C1QTNF7: variants seen among roughly 807,000 people sequenced by gnomAD.
C1QTNF7 encodes the protein complement C1q tumor necrosis factor-related protein 7.
A neutral mutation model predicts 19.6 loss-of-function variants in C1QTNF7; 15 were observed. The ratio of observed to expected loss-of-function variants is 0.76; its 90% confidence interval spans 0.51 to 1.18. The LOEUF is 1.18. Ranked by LOEUF, C1QTNF7 falls within the 50% of genes most tolerant of loss-of-function variation. The probability of loss-of-function intolerance (pLI) is 0.00; values close to 1 mark genes in which losing one functional copy is unlikely to be tolerated. For missense variants in C1QTNF7, 324 were observed against 359.7 expected (o/e 0.90, Z 0.80); for synonymous variants, 142 against 137.5 (o/e 1.03, Z -0.23).
chr4:15,434,616 T>A (rs1281284732), intron 1 of C1QTNF7, among the ~76,000 whole-genome samples: 1 of 152,148 alleles, frequency 6.6e-6, no homozygotes, highest in Non-Finnish European at 1.5e-5. Context: ...AAACTGCTAA[T>A]ACTAAGGACC....
rs753537535 is a variant in C1QTNF7 at position 15,442,189 on chromosome 4, C to T, written c.260C>T (p.Pro87Leu). Residue 87 changes from proline to leucine, a missense_variant, in exon 3 of 3, where the codon CCG (proline) becomes CTG (leucine). Physicochemically the swap from Pro to Leu is moderately conservative, Grantham distance 98. Coordinates refer to ENST00000444304, the MANE Select transcript of C1QTNF7 (RefSeq NM_031911.5). ...GTAGLRGKTGPLGLAGEKGDQ... is the reference protein window; with the variant it reads ...GTAGLRGKTGLLGLAGEKGDQ... ...GAAGGTTTGAGAGGTAAGACTGGAC[C>T]GCTAGGTCTTGCCGGTGAGAAAGGG... is the stretch of plus-strand genomic sequence containing the variant. 20 of 1,610,394 alleles carry T rather than the reference C, an allele frequency of 1.2e-5. No homozygotes were observed. The highest frequency in any genetic ancestry group is 8.1e-5 in the African/African-American group (6 of 74,500).
chr4:15,375,968 G>A (rs1577243804), intron 1 of C1QTNF7, among the ~76,000 whole-genome samples: 1 of 152,180 alleles, frequency 6.6e-6, no homozygotes, highest in African/African-American at 2.4e-5. Flanking sequence ...GCTTCCAAGA[G>A]TCGAAAGGCT....
In C1QTNF7 at chr4:15,395,302, C is replaced by A. The variant is rs116758441; in HGVS notation, c.14-40434C>A. The stretch of plus-strand genomic sequence containing the variant: ...AATATTGGCTCCATGTGTAAGAATT[C>A]CATAAAAGAGATGGTGGGGGGCGTG... On this transcript the variant is annotated intron_variant, in intron 1 of 2. Coordinates refer to the C1QTNF7 transcript ENST00000295297. Among the ~76,000 whole-genome samples the A allele has an allele frequency of 4.5e-3, 684 of 152,144 alleles. 7 individuals are homozygous for A. Among genetic ancestry groups the A allele is most frequent in the African/African-American group, 0.015 (637 of 41,498 alleles).
At chr4:15,409,402 T>C (rs1386416786) in intron 1 of C1QTNF7, among the ~76,000 whole-genome samples, 2 of 152,230 alleles carry the variant, frequency 1.3e-5, no homozygotes, top group African/African-American at 4.8e-5. Context: ...TGGGCCTCTG[T>C]ATCTATCTGT....
chr4:15,404,001 A>G (rs979892358), intron 1 of C1QTNF7, among the ~76,000 whole-genome samples: 4 of 152,318 alleles, frequency 2.6e-5, no homozygotes, highest in African/African-American at 7.2e-5. Flanking sequence ...ATATACAAAT[A>G]TATCATGTAC....
intron 1 of C1QTNF7, among the ~76,000 whole-genome samples, chr4:15,368,632 A>G (rs1386599951): frequency 6.6e-6 from 1 of 152,160 alleles, no homozygotes; most frequent in Non-Finnish European, 1.5e-5. Context: ...ATCCCTTTTT[A>G]TGGCTGCATA....
intron 1 of C1QTNF7, among the ~76,000 whole-genome samples, chr4:15,411,946 G>C (rs76892788): frequency 0.034 from 5,108 of 152,208 alleles, 127 homozygotes; most frequent in South Asian, 0.058. Context: ...GAGGTGAGTG[G>C]CAGGCGAGTC....
At chr4:15,412,688 A>G (rs1719447758) in intron 1 of C1QTNF7, among the ~76,000 whole-genome samples, 1 of 152,212 alleles carries the variant, frequency 6.6e-6, no homozygotes, top group South Asian at 2.1e-4. Flanking sequence ...GATGAGAACT[A>G]GACATCTCTG....
intron 1 of C1QTNF7, among the ~76,000 whole-genome samples, chr4:15,404,929 A>G (rs1318472222): frequency 6.6e-6 from 1 of 152,222 alleles, no homozygotes; most frequent in Non-Finnish European, 1.5e-5. Context: ...AATTGCTTCA[A>G]TTTTAATGTA....
At chr4:15,350,201 A>G (rs1577227974) in intron 1 of C1QTNF7, among the ~76,000 whole-genome samples, 1 of 45,634 alleles carries the variant, frequency 2.2e-5, no homozygotes, top group Admixed American at 3.5e-4. Context: ...AAGGAAGGGA[A>G]GAAGGAAGGA....
intron 1 of C1QTNF7, among the ~76,000 whole-genome samples, chr4:15,389,920 ACTT>A (rs1356328670): frequency 6.6e-6 from 1 of 152,104 alleles, no homozygotes; most frequent in African/African-American, 2.4e-5. Context: ...CGTGTTAAAG[ACTT>A]CTTCATTAAT....
chr4:15,340,232 T>G (rs1431783953), intron 1 of C1QTNF7: 5 of 1,551,060 alleles, frequency 3.2e-6, no homozygotes, highest in Non-Finnish European at 4.4e-6. Context: ...TCACTGCAGT[T>G]TTTCTCTTTT....
chr4:15,421,472 A>G (rs1711756049), intron 1 of C1QTNF7, among the ~76,000 whole-genome samples: 1 of 152,214 alleles, frequency 6.6e-6, no homozygotes, highest in South Asian at 2.1e-4. Context: ...AGCGGCAGCT[A>G]TGTCAGCACT....
intron 1 of C1QTNF7, among the ~76,000 whole-genome samples, chr4:15,421,134 C>T (rs571928535): frequency 2.0e-5 from 3 of 151,616 alleles, no homozygotes; most frequent in East Asian, 1.9e-4. Flanking sequence ...CCCCATTATC[C>T]GGATAAACGT....
intron 1 of C1QTNF7, among the ~76,000 whole-genome samples, chr4:15,393,535 A>G (rs780694609): frequency 6.6e-6 from 1 of 152,126 alleles, no homozygotes; most frequent in African/African-American, 2.4e-5. Context: ...CCCAACACCC[A>G]AAGATCTTTA....
At chr4:15,344,448 C>G (rs923008690) in intron 1 of C1QTNF7, among the ~76,000 whole-genome samples, 6 of 152,172 alleles carry the variant, frequency 3.9e-5, no homozygotes, top group African/African-American at 1.4e-4. Context: ...ACCCAATTAA[C>G]ATCAAGACTT....
intron 1 of C1QTNF7, among the ~76,000 whole-genome samples, chr4:15,360,690 G>C (rs535356473): frequency 6.6e-6 from 1 of 152,132 alleles, no homozygotes; most frequent in Non-Finnish European, 1.5e-5. Context: ...GCTGAAAGGA[G>C]AAAGTAGAAC....
intron 1 of C1QTNF7, among the ~76,000 whole-genome samples, chr4:15,355,836 C>T (rs1717125806): frequency 6.6e-6 from 1 of 152,040 alleles, no homozygotes; most frequent in Non-Finnish European, 1.5e-5. Context: ...CTCTGTAATG[C>T]TCAATAAATA....
At chr4:15,397,183 G>A (rs1262206202) in intron 1 of C1QTNF7, among the ~76,000 whole-genome samples, 11 of 152,166 alleles carry the variant, frequency 7.2e-5, no homozygotes, top group Non-Finnish European at 1.5e-4. Context: ...CACAACACAT[G>A]GGAATTATGG....
Sources: gnomAD v4.1 joint callset for allele counts (sites outside exome capture counted in the v4.1 genomes callset) on GRCh38, gnomAD v4.1.1 for gene constraint, MANE v1.5 for transcripts, NCBI Gene and HGNC (gene_info 2026-07-23, HGNC 2026-07-21) for gene names.